The following BLTP3B variants were observed in gnomAD, a reference collection of about 807,000 sequenced individuals.
BLTP3B encodes bridge-like lipid transfer protein family member 3B.
chr12:100,066,803 C>CAAA, the BLTP3B span, among the ~76,000 whole-genome samples: 1 of 136,660 alleles, frequency 7.3e-6, no homozygotes, highest in Non-Finnish European at 1.6e-5. Flanking sequence ...GACTCCATCT[C>CAAA]AAAAAAAAAA....
At chr12:100,132,417 G>A in the BLTP3B span, among the ~76,000 whole-genome samples, 5 of 152,132 alleles carry the variant, frequency 3.3e-5, no homozygotes, top group Non-Finnish European at 7.4e-5. Flanking sequence ...AAATGGCTTG[G>A]TATTGTTCTT....
chr12:100,105,516 C>A, the BLTP3B span, among the ~76,000 whole-genome samples: 1 of 152,120 alleles, frequency 6.6e-6, no homozygotes, highest in African/African-American at 2.4e-5. Flanking sequence ...GGATCCCTAT[C>A]TCTTACTGTA....
the BLTP3B span, among the ~76,000 whole-genome samples, chr12:100,110,523 T>C: frequency 4.9e-4 from 75 of 152,238 alleles, 1 homozygote; most frequent in African/African-American, 1.6e-3. Flanking sequence ...GAGAATTCAT[T>C]ATGCAGACAC....
chr12:100,058,243 TTAAGA>T, the BLTP3B span: 1 of 1,613,134 alleles, frequency 6.2e-7, no homozygotes, highest in Non-Finnish European at 8.5e-7. Context: ...TCTCTGTAGT[TTAAGA>T]TACTACTTGA....
the BLTP3B span, among the ~76,000 whole-genome samples, chr12:100,054,083 G>C: frequency 6.6e-5 from 10 of 152,114 alleles, no homozygotes; most frequent in South Asian, 8.3e-4. Context: ...CAAAAATGCA[G>C]ACAAAAATTT....
chr12:100,042,612 T>A, the BLTP3B span, among the ~76,000 whole-genome samples: 1 of 152,312 alleles, frequency 6.6e-6, no homozygotes, highest in East Asian at 1.9e-4. Context: ...TGGACTCTTA[T>A]ACAGGACATC....
chr12:100,076,119 A>T, the BLTP3B span, among the ~76,000 whole-genome samples: 11 of 147,964 alleles, frequency 7.4e-5, no homozygotes, highest in African/African-American at 2.7e-4. Flanking sequence ...GTTGAAATTA[A>T]AAAAAAAAAA....
chr12:100,076,847 C>CT, the BLTP3B span, among the ~76,000 whole-genome samples: 2 of 152,100 alleles, frequency 1.3e-5, no homozygotes, highest in African/African-American at 4.8e-5. Context: ...ACGGCTTATT[C>CT]TTTTTTCCTC....
At chr12:100,090,660 T>C in the BLTP3B span, among the ~76,000 whole-genome samples, 1 of 152,196 alleles carries the variant, frequency 6.6e-6, no homozygotes, top group Non-Finnish European at 1.5e-5. Context: ...TGAAAATGAT[T>C]GCAGCCCAAG....
chr12:100,045,480 G>T, the BLTP3B span, among the ~76,000 whole-genome samples: 1 of 152,100 alleles, frequency 6.6e-6, no homozygotes, highest in Admixed American at 6.5e-5. Flanking sequence ...AATAGGGAAA[G>T]GATTCCCTAT....
the BLTP3B span, among the ~76,000 whole-genome samples, chr12:100,111,277 ATTTTT>A: frequency 3.2e-5 from 3 of 94,744 alleles, no homozygotes; most frequent in African/African-American, 4.1e-5. Flanking sequence ...GGGGTTTTAG[ATTTTT>A]TTTTTTTTTT....
chr12:100,116,513 C>T, the BLTP3B span, among the ~76,000 whole-genome samples: 1,100 of 150,506 alleles, frequency 7.3e-3, 11 homozygotes, highest in African/African-American at 0.025. Flanking sequence ...CAATAGAGCC[C>T]AAAAAAGCAT....
chr12:100,107,027 A>G, the BLTP3B span, among the ~76,000 whole-genome samples: 1 of 152,042 alleles, frequency 6.6e-6, no homozygotes, highest in South Asian at 2.1e-4. Flanking sequence ...GGTGGCTCAT[A>G]CTGTAATCCC....
the BLTP3B span, among the ~76,000 whole-genome samples, chr12:100,112,157 CA>C: frequency 6.6e-6 from 1 of 152,066 alleles, no homozygotes; most frequent in South Asian, 2.1e-4. Flanking sequence ...CTGGCAAGAG[CA>C]AAAGTGAAAA....
At chr12:100,112,659 GCAAAA>G in the BLTP3B span, among the ~76,000 whole-genome samples, 8 of 151,618 alleles carry the variant, frequency 5.3e-5, no homozygotes, top group East Asian at 1.4e-3. Flanking sequence ...ACATTTAAGG[GCAAAA>G]CAAAACAAAA....
At chr12:100,037,501 C>T in the BLTP3B span, 1 of 1,512,518 alleles carries the variant, frequency 6.6e-7, no homozygotes, top group Non-Finnish European at 8.7e-7. Flanking sequence ...GAAATAGTCA[C>T]CACTTCATCA....
the BLTP3B span, chr12:100,092,867 C>T: frequency 1.0e-6 from 1 of 979,096 alleles, no homozygotes; most frequent in African/African-American, 1.8e-5. Context: ...TACTTCTTTC[C>T]TTATACTTTT....
chr12:100,061,475 G>A, the BLTP3B span, among the ~76,000 whole-genome samples: 1 of 152,024 alleles, frequency 6.6e-6, no homozygotes, highest in Admixed American at 6.6e-5. Flanking sequence ...GGCTAACACA[G>A]TGAAACCCCG....
chr12:100,128,543 GAA>G, the BLTP3B span: 7,195 of 953,286 alleles, frequency 7.5e-3, 33 homozygotes, highest in African/African-American at 0.037. Flanking sequence ...TTTATAGAAT[GAA>G]AAAAAAAAAA....
Sources: gnomAD v4.1 joint callset for allele counts (sites outside exome capture counted in the v4.1 genomes callset) on GRCh38, gnomAD v4.1.1 for gene constraint, MANE v1.5 for transcripts, NCBI Gene and HGNC (gene_info 2026-07-23, HGNC 2026-07-21) for gene names.